The following AVEN variants were observed in gnomAD, a reference collection of about 807,000 sequenced individuals.
The protein encoded by AVEN is cell death regulator Aven.
In AVEN, 41 loss-of-function variants were observed where a neutral mutation model predicts 38.1. The observed-to-expected ratio is 1.08, with a 90% CI of 0.84 to 1.40. The LOEUF (loss-of-function observed/expected upper bound fraction) is 1.40. Among genes scored for constraint, AVEN ranks in the 40% most tolerant of loss-of-function variants. The pLI, the probability that AVEN is intolerant of heterozygous loss-of-function variation, is 0.00. For synonymous variants in AVEN, 206 were observed against 171.8 expected (o/e 1.20, Z -1.56); for missense variants, 605 against 438.8 (o/e 1.38, Z -3.38).
At chr15:33,936,993 T>C (rs1205339698) in intron 2 of AVEN, among the ~76,000 whole-genome samples, 5 of 151,264 alleles carry the variant, frequency 3.3e-5, no homozygotes, top group Admixed American at 2.0e-4. Flanking sequence ...TAGCCGGGCA[T>C]GGTGGCGGGC....
chr15:33,940,240 A>C (rs1219543902), intron 2 of AVEN, among the ~76,000 whole-genome samples: 1 of 152,234 alleles, frequency 6.6e-6, no homozygotes, highest in Non-Finnish European at 1.5e-5. Context: ...CAAGTAATGT[A>C]AGTCTGCAGC....
At chr15:34,048,705 C>T (rs558726535) in intron 5 of AVEN, among the ~76,000 whole-genome samples, 1 of 152,222 alleles carries the variant, frequency 6.6e-6, no homozygotes, top group Non-Finnish European at 1.5e-5. Flanking sequence ...AAAAAGCAGC[C>T]AGACTGCTTC....
At chr15:33,948,055 A>G (rs114332279) in intron 2 of AVEN, among the ~76,000 whole-genome samples, 4,400 of 152,174 alleles carry the variant, frequency 0.029, 217 homozygotes, top group African/African-American at 0.099. Flanking sequence ...CTCTGAAAAC[A>G]TCCAACATAT....
intron 2 of AVEN, among the ~76,000 whole-genome samples, chr15:33,924,109 T>C (rs756864079): frequency 1.3e-5 from 2 of 152,124 alleles, no homozygotes; most frequent in Non-Finnish European, 1.5e-5. Context: ...CTGTCTTCCA[T>C]GAAACCAGTC....
intron 2 of AVEN, among the ~76,000 whole-genome samples, chr15:33,949,309 C>T (rs1444514695): frequency 3.9e-5 from 6 of 152,164 alleles, no homozygotes; most frequent in African/African-American, 7.2e-5. Context: ...CGTGAGCCAC[C>T]GCGCCCAGCC....
At chr15:33,965,071 C>G (rs891851982) in intron 2 of AVEN, among the ~76,000 whole-genome samples, 20 of 152,170 alleles carry the variant, frequency 1.3e-4, no homozygotes, top group African/African-American at 4.8e-4. Context: ...TGAATGATAA[C>G]AGTCTGCCTC....
At position 33,956,427 on chromosome 15, in the gene AVEN, T is replaced by C. The variant is rs188228908; in HGVS notation, c.445+46605A>G. On this transcript the variant is annotated intron_variant, in intron 2 of 5. Transcript: ENST00000306730. ...TTTCAGTGTAATTAATTTGCATCTC[T>C]CCTATGAGTGCATTGAGCATCTTTT... Among the ~76,000 whole-genome samples, 247 of 152,364 alleles carry C rather than the reference T, an allele frequency of 1.6e-3. 2 individuals are homozygous for C. Among genetic ancestry groups the C allele is most frequent in the African/African-American group, 5.7e-3 (239 of 41,592 alleles).
Position 33,886,333 on chromosome 15 carries a change from C to T in AVEN, c.446-10338G>A, listed in dbSNP as rs144741908. Among the ~76,000 whole-genome samples, 447 of 152,184 alleles carry T rather than the reference C, an allele frequency of 2.9e-3. 3 individuals carry two copies. Among genetic ancestry groups the T allele is most frequent in the Non-Finnish European group, 5.0e-3 (340 of 68,002 alleles). On this transcript the variant is annotated intron_variant, in intron 2 of 5. Transcript: ENST00000306730. ...GGTTTTTTGTTTTGAGATGGAGTCT[C>T]GCTCTGTCGCCCAGGCTGGAGTGTA... is the stretch of plus-strand genomic sequence containing the variant.
chr15:34,032,752 A>G (rs909543890), intron 1 of AVEN, among the ~76,000 whole-genome samples: 8 of 152,226 alleles, frequency 5.3e-5, no homozygotes, highest in African/African-American at 1.9e-4. Flanking sequence ...AAGACAGCAC[A>G]ACTGCTTTTC....
chr15:34,058,936 G>A (rs896382544), intron 5 of AVEN, among the ~76,000 whole-genome samples: 3 of 151,784 alleles, frequency 2.0e-5, no homozygotes, highest in African/African-American at 2.4e-5. Flanking sequence ...TCACTCTGTC[G>A]CCCAGGCTGG....
At chr15:34,015,517 A>G (rs1463017637) in intron 1 of AVEN, among the ~76,000 whole-genome samples, 1 of 152,156 alleles carries the variant, frequency 6.6e-6, no homozygotes, top group Admixed American at 6.5e-5. Flanking sequence ...TCCACAAAAT[A>G]TCCAAAAATG....
chr15:33,870,644 T>C (rs774837453), intron 4 of AVEN, among the ~76,000 whole-genome samples: 3 of 152,194 alleles, frequency 2.0e-5, no homozygotes, highest in Non-Finnish European at 4.4e-5. Context: ...GTGCCGAACA[T>C]AGAGCGTGAT....
At chr15:34,035,468 T>C (rs1301286175) in intron 1 of AVEN, among the ~76,000 whole-genome samples, 1 of 152,142 alleles carries the variant, frequency 6.6e-6, no homozygotes, top group African/African-American at 2.4e-5. Flanking sequence ...CAGGAGCAGT[T>C]TAGAGCAGCA....
At chr15:33,895,807 A>T (rs1371517483) in intron 2 of AVEN, among the ~76,000 whole-genome samples, 1 of 152,134 alleles carries the variant, frequency 6.6e-6, no homozygotes, top group Non-Finnish European at 1.5e-5. Context: ...TCTTAGTTAA[A>T]CCTCTCTATA....
chr15:33,890,419 G>A (rs1015896142), intron 2 of AVEN, among the ~76,000 whole-genome samples: 1 of 152,136 alleles, frequency 6.6e-6, no homozygotes, highest in Admixed American at 6.5e-5. Flanking sequence ...AAGAATAAAT[G>A]AGCAAACGAA....
intron 2 of AVEN, among the ~76,000 whole-genome samples, chr15:33,934,056 A>G (rs1456122507): frequency 6.6e-6 from 1 of 152,106 alleles, no homozygotes; most frequent in Non-Finnish European, 1.5e-5. Flanking sequence ...TCTATTATAT[A>G]CTCAAATTAA....
intron 1 of AVEN, among the ~76,000 whole-genome samples, chr15:34,034,446 T>TAAA (rs34205777): frequency 7.0e-6 from 1 of 143,722 alleles, no homozygotes; most frequent in African/African-American, 2.6e-5. Context: ...GTTTCTTTTT[T>TAAA]AAAAAAAAAA....
At chr15:33,878,178 A>G (rs757661965) in intron 2 of AVEN, among the ~76,000 whole-genome samples, 3 of 152,214 alleles carry the variant, frequency 2.0e-5, no homozygotes, top group Non-Finnish European at 2.9e-5. Flanking sequence ...AGATTTTTGA[A>G]TTTGTCCAAA....
At chr15:34,058,471 G>GGA (rs544211557) in intron 5 of AVEN, among the ~76,000 whole-genome samples, 34 of 150,532 alleles carry the variant, frequency 2.3e-4, no homozygotes, top group Non-Finnish European at 4.7e-4. Context: ...TGAGAAATCA[G>GGA]GAGAGAGAGA....
Sources: gnomAD v4.1 joint callset for allele counts (sites outside exome capture counted in the v4.1 genomes callset) on GRCh38, gnomAD v4.1.1 for gene constraint, MANE v1.5 for transcripts, NCBI Gene and HGNC (gene_info 2026-07-23, HGNC 2026-07-21) for gene names.